Variants in GPM6B observed in about 807,000 individuals in gnomAD.
GPM6B encodes neuronal membrane glycoprotein M6-b.
GPM6B carries 4 observed loss-of-function variants against 27.2 expected under a neutral mutation model. The observed-to-expected ratio is 0.15, with a 90% CI of 0.07 to 0.34. GPM6B has a LOEUF of 0.34. Among genes scored for constraint, GPM6B ranks in the 10% least tolerant of loss-of-function variants. GPM6B has a pLI of 1.00. For synonymous variants in GPM6B, 124 were observed against 103.1 expected, an observed-to-expected ratio of 1.20 and a Z score of -1.23; for missense variants, 183 against 261.9, an observed-to-expected ratio of 0.70 and a Z score of 2.08.
chrX:13,864,797 G>C (rs2049890875), intron 1 of GPM6B, among the ~76,000 whole-genome samples: 1 of 111,450 alleles, frequency 9.0e-6, no homozygotes, highest in Non-Finnish European at 1.9e-5. Context: ...TGCTTCCAAC[G>C]TATAGTAAAG....
At chrX:13,799,371 C>T (rs539949033) in intron 2 of GPM6B, among the ~76,000 whole-genome samples, 8 of 101,999 alleles carry the variant, frequency 7.8e-5, no homozygotes, top group African/African-American at 2.9e-4. Context: ...CACCAATACT[C>T]CCGGCTGATT....
At chrX:13,922,946 C>T (rs1459750116) in intron 1 of GPM6B, among the ~76,000 whole-genome samples, 3 of 111,899 alleles carry the variant, frequency 2.7e-5, no homozygotes, top group Non-Finnish European at 3.8e-5. Flanking sequence ...GAGGTCGAGG[C>T]GGGCAAAGCA....
At chrX:13,884,577 A>G (rs2050116348) in intron 1 of GPM6B, among the ~76,000 whole-genome samples, 2 of 112,341 alleles carry the variant, frequency 1.8e-5, no homozygotes, top group Admixed American at 1.9e-4. Context: ...GGACCTATCA[A>G]TCGATAATGC....
At chrX:13,860,817 T>G (rs1341957623) in intron 1 of GPM6B, among the ~76,000 whole-genome samples, 1 of 108,159 alleles carries the variant, frequency 9.2e-6, no homozygotes, top group African/African-American at 3.4e-5. Context: ...CAAATCCCAG[T>G]GTATCATTCT....
At chrX:13,862,651 G>A (rs1234756850) in intron 1 of GPM6B, among the ~76,000 whole-genome samples, 2 of 111,774 alleles carry the variant, frequency 1.8e-5, no homozygotes, top group Admixed American at 1.9e-4. Context: ...TCCAAGAGCT[G>A]TCTCTTTCAC....
intron 7 of GPM6B, 39 bp downstream of exon 7, chrX:13,776,199 A>T (rs2048409892): frequency 9.3e-7 from 1 of 1,076,255 alleles, no homozygotes; most frequent in African/African-American, 1.8e-5. Flanking sequence ...AGCTGGAGGG[A>T]GGAGGCTAGA....
intron 3 of GPM6B, 147 bp downstream of exon 3, chrX:13,785,475 G>A (rs966290795): frequency 4.3e-5 from 21 of 489,699 alleles, no homozygotes; most frequent in Non-Finnish European, 6.9e-5. Context: ...TTTAGTAGAG[G>A]TGGCGTTTCA....
At chrX:13,821,665 C>T (rs751051044), upstream of GPM6B, among the ~76,000 whole-genome samples, 5 of 111,760 alleles carry the variant, frequency 4.5e-5, no homozygotes, top group Admixed American at 9.4e-5. Flanking sequence ...GGCGTGATCT[C>T]GGCTCACTGC....
chrX:13,923,736 T>G (rs1050159869), intron 1 of GPM6B, among the ~76,000 whole-genome samples: 1 of 112,612 alleles, frequency 8.9e-6, no homozygotes, highest in Non-Finnish European at 1.9e-5. Flanking sequence ...CGCTCTAAGA[T>G]AATAAAAACT....
chrX:13,930,380 C>T lies in GPM6B; in HGVS notation c.-198+7947G>A, dbSNP rs183090546. ...CTATAATCCCAGCACTTTGGGAGGC[C>T]GAGGCGGGCAGATCACGAGGTCAGG... On this transcript the variant is annotated intron_variant, in intron 1 of 6. Transcript: ENST00000398361. Among the ~76,000 whole-genome samples the T allele has an allele frequency of 1.4e-3, 149 of 110,148 alleles. 1 individual carries two copies. The highest frequency in any genetic ancestry group is 9.7e-3 in the South Asian group (25 of 2,580).
chrX:13,934,255 T>C (rs1921721395), intron 1 of GPM6B, among the ~76,000 whole-genome samples: 1 of 111,585 alleles, frequency 9.0e-6, no homozygotes, highest in Non-Finnish European at 1.9e-5. Flanking sequence ...GTGGGCTCCT[T>C]ACTAGATCTT....
In GPM6B at chrX:13,845,382, C is replaced by G. The variant is rs763259235; in HGVS notation, c.-197-59574G>C. On this transcript the variant is annotated intron_variant, in intron 1 of 6. Coordinates refer to the GPM6B transcript ENST00000398361. The stretch of plus-strand genomic sequence containing the variant: ...TTGGGATAAATTTGCCAATTTCCAT[C>G]TCACGTAATTTTTGTTCATTTGAAT... 1.3e-3 allele frequency among the ~76,000 whole-genome samples: 147 copies of G among 111,876 alleles called. 1 individual carries two copies. Among genetic ancestry groups the G allele is most frequent in the Non-Finnish European group, 2.5e-3 (131 of 53,136 alleles).
intron 1 of GPM6B, among the ~76,000 whole-genome samples, chrX:13,902,391 C>T (rs978696107): frequency 9.0e-6 from 1 of 110,863 alleles, no homozygotes; most frequent in African/African-American, 3.3e-5. Flanking sequence ...CTAAGCTAGA[C>T]ATAGCATGTT....
chrX:13,854,472 G>T (rs1456458463), intron 1 of GPM6B, among the ~76,000 whole-genome samples: 1 of 111,790 alleles, frequency 8.9e-6, no homozygotes, highest in African/African-American at 3.2e-5. Flanking sequence ...TCTCTCCACA[G>T]CAAGTTATCT....
At position 13,856,707 on chromosome X, in the gene GPM6B, A is replaced by ATT. The variant is rs397933313; in HGVS notation, c.-197-70901_-197-70900dup. ...CTGCACCTTTATTTTTTTTTTTATT[A>ATT]TTTTTTTTTTTTGACAGGTTCTCAC... On this transcript the variant is annotated intron_variant, in intron 1 of 6. Transcript: ENST00000398361. Among the ~76,000 whole-genome samples, 767 of 96,448 alleles carry ATT rather than the reference A, an allele frequency of 8.0e-3. 8 individuals are homozygous for ATT. The highest frequency in any genetic ancestry group is 0.015 in the African/African-American group (382 of 26,182). 83.8% of individuals were successfully genotyped at this position (96,448 alleles called of 115,157 possible).
chrX:13,858,074 G>A (rs2049801962), intron 1 of GPM6B, among the ~76,000 whole-genome samples: 1 of 112,369 alleles, frequency 8.9e-6, no homozygotes, highest in Non-Finnish European at 1.9e-5. Flanking sequence ...GAGGCAAGGA[G>A]GAGCACTGTT....
chrX:13,823,522 T>G (rs1032010348), intron 1 of GPM6B, among the ~76,000 whole-genome samples: 10 of 38,050 alleles, frequency 2.6e-4, no homozygotes, highest in Admixed American at 1.3e-3. Context: ...TGAACCTGGT[T>G]TTTTTTTTTT....
At chrX:13,870,619 C>T (rs1210393091) in intron 1 of GPM6B, among the ~76,000 whole-genome samples, 1 of 112,307 alleles carries the variant, frequency 8.9e-6, no homozygotes, top group Admixed American at 9.4e-5. Flanking sequence ...AAACAGAGCC[C>T]CTAACACTGC....
chrX:13,844,982 TTTTC>T (rs201323721), intron 1 of GPM6B, among the ~76,000 whole-genome samples: 130 of 102,149 alleles, frequency 1.3e-3, no homozygotes, highest in Middle Eastern at 5.2e-3. Context: ...TCAGAACGTT[TTTTC>T]TTTTTCTTTT....
Sources: gnomAD v4.1 joint callset for allele counts (sites outside exome capture counted in the v4.1 genomes callset) on GRCh38, gnomAD v4.1.1 for gene constraint, MANE v1.5 for transcripts, NCBI Gene and HGNC (gene_info 2026-07-23, HGNC 2026-07-21) for gene names.